Variants in ZZZ3 observed in about 807,000 individuals in gnomAD.
The protein encoded by ZZZ3 is zinc finger ZZ-type containing 3, also known as ZZ-type zinc finger-containing protein 3.
ZZZ3 carries 22 observed loss-of-function variants against 95.2 expected under a neutral mutation model. The observed-to-expected ratio is 0.23, with a 90% CI of 0.17 to 0.33. The LOEUF (loss-of-function observed/expected upper bound fraction) is 0.33. ZZZ3 is among the 10% of genes least tolerant of loss of function. ZZZ3 has a pLI of 1.00. For missense variants in ZZZ3, 885 were observed against 1,066.5 expected (o/e 0.83, Z 2.37); for synonymous variants, 335 against 358.9 (o/e 0.93, Z 0.75).
chr1:77,591,007 T>A (rs934691691), intron 5 of ZZZ3, among the ~76,000 whole-genome samples: 2 of 152,214 alleles, frequency 1.3e-5, no homozygotes, highest in Non-Finnish European at 2.9e-5. Context: ...TTTTTCTAAG[T>A]TTTATACTTT....
chr1:77,563,037 A>C lies in ZZZ3; in HGVS notation c.*2603T>G, dbSNP rs1660547915. ...ATAGAGTTGTTAAGAATTAGTTATC[A>C]TATGCTTGCTTGGCACATAGTAAAC... On this transcript the variant is annotated 3_prime_UTR_variant, in exon 15 of 15. Transcript: ENST00000370801. 6.6e-6 allele frequency: 1 copy of C among 152,220 alleles called. No individual in the cohort carries two copies. Among genetic ancestry groups the C allele is most frequent in the African/African-American group, 2.4e-5 (1 of 41,450 alleles). 9.4% of individuals were successfully genotyped at this position (152,220 alleles called of 1,614,324 possible).
At chr1:77,682,053 A>C (rs72683680) in intron 1 of ZZZ3, among the ~76,000 whole-genome samples, 1,856 of 152,314 alleles carry the variant, frequency 0.012, 43 homozygotes, top group South Asian at 0.1. Context: ...GTACAAAATG[A>C]TGAAAAGCAG....
intron 5 of ZZZ3, among the ~76,000 whole-genome samples, chr1:77,599,255 G>A (rs963723243): frequency 1.3e-5 from 2 of 151,764 alleles, no homozygotes; most frequent in African/African-American, 4.8e-5. Context: ...ATAGCTATTT[G>A]CTACCTTATA....
At chr1:77,612,509 C>T (rs1171322809) in intron 5 of ZZZ3, among the ~76,000 whole-genome samples, 1 of 152,004 alleles carries the variant, frequency 6.6e-6, no homozygotes, top group Admixed American at 6.6e-5. Flanking sequence ...AAGCATTATT[C>T]ACAATAGCTA....
In ZZZ3 at chr1:77,653,654, G is replaced by A. The variant is rs140922644; in HGVS notation, c.-402-11999C>T. On this transcript the variant is annotated intron_variant, in intron 1 of 14. Coordinates refer to ENST00000370801, the MANE Select transcript of ZZZ3 (RefSeq NM_015534.6). ...TGTAATCCCAGCTACTCGGGAGGCT[G>A]AGGCAGGAGAATCACTTGAACCTGG... Among the ~76,000 whole-genome samples the A allele has an allele frequency of 0.018, 2,724 of 152,184 alleles. 424 individuals are homozygous for A. In the East Asian group the frequency reaches 0.4, roughly 23 times the overall value.
intron 3 of ZZZ3, 77 bp from the exon 4 acceptor site, chr1:77,639,679 T>G (rs1406016114): frequency 5.6e-5 from 21 of 375,138 alleles, no homozygotes; most frequent in Non-Finnish European, 8.9e-5. Flanking sequence ...CCTTCTATAA[T>G]AAGAAGAAAT....
intron 5 of ZZZ3, among the ~76,000 whole-genome samples, chr1:77,607,640 A>G (rs543490530): frequency 6.6e-6 from 1 of 152,264 alleles, no homozygotes; most frequent in East Asian, 1.9e-4. Context: ...AAATACAGAG[A>G]GGAGGCCGGG....
chr1:77,674,177 C>T (rs1465389481), intron 1 of ZZZ3, among the ~76,000 whole-genome samples: 1 of 152,146 alleles, frequency 6.6e-6, no homozygotes, highest in African/African-American at 2.4e-5. Context: ...GATGTCCCCT[C>T]CTAGGAGTTC....
Position 77,639,395 on chromosome 1 carries a change from G to A in ZZZ3, c.-52+54C>T, listed in dbSNP as rs527881615. 3.7e-4 allele frequency: 465 copies of A among 1,251,664 alleles called. 2 individuals are homozygous for A. In the African/African-American group the frequency reaches 5.1e-3, roughly 14 times the overall value. 77.5% of individuals were successfully genotyped at this position (1,251,664 alleles called of 1,614,324 possible). A position where few individuals can be genotyped will look rare whatever the true frequency, so the allele number is the denominator to read the frequency against. On this transcript the variant is annotated intron_variant, in intron 4 of 14. Coordinates refer to ENST00000370801, the MANE Select transcript of ZZZ3 (RefSeq NM_015534.6). ...GTCTCCCCATCTCAAAAAAAAAAAA[G>A]AAGAAGAAGTCAAACTATAGCTGTC... is the stretch of plus-strand genomic sequence containing the variant.
At chr1:77,608,917 T>C (rs545658730) in intron 5 of ZZZ3, among the ~76,000 whole-genome samples, 55 of 151,868 alleles carry the variant, frequency 3.6e-4, no homozygotes, top group African/African-American at 1.3e-3. Context: ...AATAAAATGG[T>C]AGAAATTAAA....
chr1:77,653,752 T>C (rs1310818494), intron 1 of ZZZ3, among the ~76,000 whole-genome samples: 1 of 150,394 alleles, frequency 6.6e-6, no homozygotes, highest in Non-Finnish European at 1.5e-5. Flanking sequence ...AAACTCTGTC[T>C]CAAAAAAAAA....
At chr1:77,581,731 G>T in intron 8 of ZZZ3, 45 bp downstream of exon 8, 2 of 1,429,882 alleles carry the variant, frequency 1.4e-6, no homozygotes, top group Non-Finnish European at 1.9e-6. Context: ...AAATTGTTTT[G>T]TCTAAAATTC....
At chr1:77,607,460 A>G (rs900112236) in intron 5 of ZZZ3, among the ~76,000 whole-genome samples, 1 of 152,242 alleles carries the variant, frequency 6.6e-6, no homozygotes, top group African/African-American at 2.4e-5. Flanking sequence ...ATTGAGAAAG[A>G]ATTCAAAACT....
At chr1:77,572,136 A>G (rs969991128) in intron 12 of ZZZ3, among the ~76,000 whole-genome samples, 2 of 152,230 alleles carry the variant, frequency 1.3e-5, no homozygotes, top group African/African-American at 4.8e-5. Context: ...CTTTTCCACC[A>G]GATGCTTCAT....
chr1:77,619,534 T>C lies in ZZZ3; in HGVS notation c.1505+12316A>G, dbSNP rs1666645088. On this transcript the variant is annotated intron_variant, in intron 5 of 14. Coordinates refer to ENST00000370801, the MANE Select transcript of ZZZ3 (RefSeq NM_015534.6). Reference sequence around the variant, plus strand: ...TCTTAACCACTCTGTAGGCTTCTAATGCCTACTGGCAAAACTCTAGATTGT... The same window carrying C: ...TCTTAACCACTCTGTAGGCTTCTAACGCCTACTGGCAAAACTCTAGATTGT... Among the ~76,000 whole-genome samples the C allele has an allele frequency of 2.0e-5, 3 of 152,204 alleles. No homozygotes were observed. In the East Asian group the frequency reaches 5.8e-4, roughly 29 times the overall value.
chr1:77,670,880 G>A (rs989270027), intron 1 of ZZZ3, among the ~76,000 whole-genome samples: 4 of 151,618 alleles, frequency 2.6e-5, no homozygotes, highest in African/African-American at 4.8e-5. Context: ...TATACAAAAC[G>A]TGAAACAAAA....
At chr1:77,655,886 T>A (rs1374127127) in intron 1 of ZZZ3, among the ~76,000 whole-genome samples, 1 of 152,196 alleles carries the variant, frequency 6.6e-6, no homozygotes, top group African/African-American at 2.4e-5. Flanking sequence ...GCTTGTTAAA[T>A]CCTGGAACAG....
At chr1:77,678,012 T>C (rs1215102402) in intron 1 of ZZZ3, among the ~76,000 whole-genome samples, 2 of 152,046 alleles carry the variant, frequency 1.3e-5, no homozygotes, top group Non-Finnish European at 1.5e-5. Context: ...TAAATTAACA[T>C]AGTAAATGAG....
At chr1:77,677,517 G>C (rs1281774726) in intron 1 of ZZZ3, among the ~76,000 whole-genome samples, 1 of 152,144 alleles carries the variant, frequency 6.6e-6, no homozygotes, top group East Asian at 1.9e-4. Context: ...GATGAGTATA[G>C]GGTAACAACC....
Sources: gnomAD v4.1 joint callset for allele counts (sites outside exome capture counted in the v4.1 genomes callset) on GRCh38, gnomAD v4.1.1 for gene constraint, MANE v1.5 for transcripts, NCBI Gene and HGNC (gene_info 2026-07-23, HGNC 2026-07-21) for gene names.